The following DENND3 variants were observed in gnomAD, a reference collection of about 807,000 sequenced individuals.
DENND3 encodes DENN domain-containing protein 3.
DENND3 carries 88 observed loss-of-function variants against 135.1 expected under a neutral mutation model. The observed-to-expected ratio is 0.65, with a 90% CI of 0.55 to 0.78. The LOEUF (loss-of-function observed/expected upper bound fraction) is 0.78, where lower values mean the gene tolerates loss of function less well. Ranked by LOEUF, DENND3 falls within the 30% of genes least tolerant of loss-of-function variation. The pLI is 0.00. For synonymous variants in DENND3, 693 were observed against 712.3 expected (o/e 0.97, Z 0.43); for missense variants, 1,392 against 1,688.4 (o/e 0.82, Z 3.08).
intron 13 of DENND3, among the ~76,000 whole-genome samples, chr8:141,171,595 G>T (rs1297935310): frequency 6.6e-6 from 1 of 152,246 alleles, no homozygotes; most frequent in East Asian, 1.9e-4. Flanking sequence ...ACTGGGCATT[G>T]TGTCTACGTG....
chr8:141,137,918 C>T lies in DENND3; in HGVS notation c.386-104C>T. On this transcript the variant is annotated intron_variant, in intron 2 of 22. Transcript: ENST00000519811. The surrounding 1 kb of genome is among the most constrained non-coding windows in gnomAD (Gnocchi z 4.1). ...CTTGGACATGAAGGCACCACCACTG[C>T]TAACTGTGGAGGTGTGTCCTAAACA... The T allele has an allele frequency of 8.7e-7, 1 of 1,154,632 alleles. No homozygotes were observed. Among genetic ancestry groups the T allele is most frequent in the Admixed American group, 2.3e-5 (1 of 43,362 alleles). 71.5% of individuals were successfully genotyped at this position (1,154,632 alleles called of 1,614,324 possible).
chr8:141,168,357 G>C lies in DENND3; in HGVS notation c.2107G>C (p.Glu703Gln), dbSNP rs1341261704. The C allele has an allele frequency of 1.9e-6, 3 of 1,613,722 alleles. No homozygotes were observed. Among genetic ancestry groups the C allele is most frequent in the Non-Finnish European group, 2.5e-6 (3 of 1,180,030 alleles). Residue 703 changes from glutamate (E) to glutamine (Q), a missense_variant, in exon 13 of 23, where the codon GAG (glutamate) becomes CAG (glutamine). Glu to Gln is a conservative substitution (Grantham distance 29). Transcript: ENST00000519811. This position sits in a 1 kb window ranked among gnomAD's most constrained non-coding sequence, Gnocchi z 6.2. ...GCCGGAGCTGATGAGGCTCATCAGC[G>C]AGATCCTGGACAAGCCGCACGAGGC... ...QAPELMRLIS[E>Q]ILDKPHEASK...
rs147159737 is a variant in DENND3, at chr8:141,166,310, C to T, written c.1674C>T (p.Asp558=). 8.1e-5 allele frequency: 131 copies of T among 1,614,006 alleles called. 1 individual carries two copies. The East Asian group carries it at 2.7e-3, about 33-fold the overall frequency. Residue 558 remains aspartate (D), a synonymous_variant, in exon 12 of 23, where the codon GAC becomes GAT. Transcript: ENST00000519811. This position sits in a 1 kb window ranked among gnomAD's most constrained non-coding sequence, Gnocchi z 4.3. ...TGGTCAGCATGCCCAACCTGCAGGA[C>T]ATTGCCATGCCTGAGCTGGCACCCA... The part of the protein sequence containing the change: ...RMVVSMPNLQ[D]IAMPELAPRN...
rs1349026456 is a variant in DENND3 at position 141,139,796 on chromosome 8, G to A, written c.502-1407G>A. 6.6e-6 allele frequency among the ~76,000 whole-genome samples: 1 copy of A among 152,198 alleles called. No homozygotes were observed. The highest frequency in any genetic ancestry group is 6.5e-5 in the Admixed American group (1 of 15,276). On this transcript the variant is annotated intron_variant, in intron 3 of 22. Coordinates refer to ENST00000519811, the MANE Select transcript of DENND3 (RefSeq NM_001352890.3). The surrounding 1 kb of genome is among the most constrained non-coding windows in gnomAD (Gnocchi z 4.2). ...TGCCGGCCTGGCGTGGGCATGCCTG[G>A]TCCTGCTCCTGCCTTCCCAGCAGCT...
chr8:141,128,808 A>G lies in DENND3; in HGVS notation c.101A>G (p.Gln34Arg). ...APRDSLRSLE[Q>R]VAYKKGVKHL... ...CGGGACAGTCTCCGAAGTCTCGAGC[A>G]GGTGAGGGGCGGGGAAACTGAGGCG... Residue 34 changes from glutamine (Q) to arginine (R), a missense_variant and splice_region_variant, in exon 1 of 23, where the codon CAG (glutamine) becomes CGG (arginine). Gln to Arg is a conservative substitution (Grantham distance 43, BLOSUM62 1). Transcript: ENST00000519811. The surrounding 1 kb of genome is among the most constrained non-coding windows in gnomAD (Gnocchi z 4.5). 1 of 1,421,166 alleles carries G rather than the reference A, an allele frequency of 7.0e-7. No homozygotes were observed. The highest frequency in any genetic ancestry group is 2.6e-5 in the Admixed American group (1 of 38,740). The allele number at this position is 1,421,166 out of a possible 1,614,324, so 88.0% of individuals were successfully genotyped here.
At position 141,136,763 on chromosome 8, in the gene DENND3, C is replaced by T; in HGVS notation, c.357C>T (p.Leu119=). The change falls in exon 2 of 23, where the codon CTC becomes CTT. Residue 119 remains leucine (L), a synonymous_variant. Transcript: ENST00000519811. ...TCGCCGTCCCGGGCGGCGTGGACCT[C>T]CTCACCCTGCCGCAGCTGTGCTTCC... ...EDVAVPGGVD[L]LTLPQLCFPG... 6.3e-7 allele frequency: 1 copy of T among 1,586,566 alleles called. No homozygotes were observed. The highest frequency in any genetic ancestry group is 8.6e-7 in the Non-Finnish European group (1 of 1,167,484).
At position 141,175,210 on chromosome 8, in the gene DENND3, A is replaced by G. The variant is rs1417623503; in HGVS notation, c.2286A>G (p.Lys762=). The change falls in exon 14 of 23, where the codon AAA becomes AAG. Residue 762 remains lysine (K), a synonymous_variant. Transcript: ENST00000519811. This position sits in a 1 kb window ranked among gnomAD's most constrained non-coding sequence, Gnocchi z 5.4. ...TCTTATCAAACTAAGGACAGGAGAAACAAATCGACCCAGAAACATTCAAAG... is the reference window on the plus strand; with the variant it reads ...TCTTATCAAACTAAGGACAGGAGAAGCAAATCGACCCAGAAACATTCAAAG... ...LFEALTVGQE[K]QIDPETFKDF... is the part of the protein sequence containing the mutation. The G allele has an allele frequency of 1.2e-6, 2 of 1,613,362 alleles. No individual in the cohort carries two copies. Among genetic ancestry groups the G allele is most frequent in the East Asian group, 4.5e-5 (2 of 44,882 alleles).
Position 141,185,293 on chromosome 8 carries a change from C to A in DENND3, c.3084+15C>A, listed in dbSNP as rs756353348. ...CTGCAAAAGTGGTGAGTACACGAAG[C>A]GTCAGGAAAGAAGCCTCTGAATTCA... On this transcript the variant is annotated intron_variant, in intron 18 of 22. Coordinates refer to ENST00000519811, the MANE Select transcript of DENND3 (RefSeq NM_001352890.3). The A allele has an allele frequency of 1.9e-6, 3 of 1,613,650 alleles. No homozygotes were observed. The highest frequency in any genetic ancestry group is 2.5e-6 in the Non-Finnish European group (3 of 1,179,696).
chr8:141,160,890 A>G, intron 9 of DENND3, 103 bp downstream of exon 9: 1 of 1,428,402 alleles, frequency 7.0e-7, no homozygotes, highest in Non-Finnish European at 9.4e-7. Context: ...CATTAGTACC[A>G]TTTGCCTGGC....
chr8:141,153,450 C>T (rs1012068995), intron 7 of DENND3, among the ~76,000 whole-genome samples: 4 of 152,222 alleles, frequency 2.6e-5, no homozygotes, highest in African/African-American at 7.2e-5. Flanking sequence ...GTGTGTCATG[C>T]GCCCCTCACA....
chr8:141,188,654 G>A, intron 18 of DENND3: 1 of 241,328 alleles, frequency 4.1e-6, no homozygotes, highest in Non-Finnish European at 7.9e-6. Flanking sequence ...GCACAAGGAG[G>A]CGGTGACGTG....
rs1488835128 is a variant in DENND3, at chr8:141,182,182, G to A, written c.2944+1328G>A. The A allele has an allele frequency of 8.6e-6, 3 of 350,710 alleles. No homozygotes were observed. The highest frequency in any genetic ancestry group is 1.2e-5 in the Non-Finnish European group (3 of 249,702). The allele number at this position is 350,710 out of a possible 1,614,324, so 21.7% of individuals were successfully genotyped here. A position where few individuals can be genotyped will look rare whatever the true frequency, so the allele number is the denominator to read the frequency against. On this transcript the variant is annotated intron_variant, in intron 17 of 22. Transcript: ENST00000519811. This position sits in a 1 kb window ranked among gnomAD's most constrained non-coding sequence, Gnocchi z 5.9. Reference sequence around the variant, plus strand: ...AGGTGTCAGGGATGCAGATGTAGGTGTCACCCCCTCTCACAGGCCATGTCC... The same window carrying A: ...AGGTGTCAGGGATGCAGATGTAGGTATCACCCCCTCTCACAGGCCATGTCC...
In DENND3 at chr8:141,154,982, G is replaced by A. The variant is rs867866055; in HGVS notation, c.1075-867G>A. On this transcript the variant is annotated intron_variant, in intron 7 of 22. Transcript: ENST00000519811. The surrounding 1 kb of genome is among the most constrained non-coding windows in gnomAD (Gnocchi z 4.4). The stretch of plus-strand genomic sequence containing the variant: ...GTTCTGACACATGCCTCAGATGGGT[G>A]AGCCTCACAGACATCAACGTGGAGT... Among the ~76,000 whole-genome samples the A allele has an allele frequency of 1.1e-4, 16 of 152,230 alleles. No individual in the cohort carries two copies. Among genetic ancestry groups the A allele is most frequent in the African/African-American group, 3.6e-4 (15 of 41,466 alleles).
At chr8:141,171,085 T>A (rs1347529808) in intron 13 of DENND3, among the ~76,000 whole-genome samples, 1 of 152,230 alleles carries the variant, frequency 6.6e-6, no homozygotes, top group East Asian at 1.9e-4. Context: ...GTTGTCACTT[T>A]GGCCTTGCTT....
intron 14 of DENND3, 115 bp from the exon 15 acceptor site, chr8:141,176,476 G>A (rs952296413): frequency 1.6e-6 from 2 of 1,280,368 alleles, no homozygotes; most frequent in African/African-American, 3.0e-5. Context: ...CCAGCAGGAT[G>A]CGTGCCTGCA....
At position 141,174,181 on chromosome 8, in the gene DENND3, G is replaced by A. The variant is rs866499508; in HGVS notation, c.2276-1019G>A. Among the ~76,000 whole-genome samples the A allele has an allele frequency of 2.6e-5, 4 of 152,168 alleles. No individual in the cohort carries two copies. The highest frequency in any genetic ancestry group is 2.6e-4 in the Admixed American group (4 of 15,284). On this transcript the variant is annotated intron_variant, in intron 13 of 22. Transcript: ENST00000519811. The surrounding 1 kb of genome is among the most constrained non-coding windows in gnomAD (Gnocchi z 4.6). ...GTACGGCTGGGCTGTGGGGTGGGTAGGTGGGGCCCAATCTTGGAAGAATGT... is the reference window on the plus strand; with the variant it reads ...GTACGGCTGGGCTGTGGGGTGGGTAAGTGGGGCCCAATCTTGGAAGAATGT...
intron 5 of DENND3, among the ~76,000 whole-genome samples, chr8:141,147,657 G>T: frequency 6.6e-6 from 1 of 152,322 alleles, no homozygotes; most frequent in South Asian, 2.1e-4. Flanking sequence ...TTCTCATCCC[G>T]CAGGGCACGG....
At chr8:141,186,967 C>A (rs568752281) in intron 18 of DENND3, among the ~76,000 whole-genome samples, 1 of 152,198 alleles carries the variant, frequency 6.6e-6, no homozygotes, top group Non-Finnish European at 1.5e-5. Context: ...CACACTCCCC[C>A]GCACCGTGGC....
At position 141,174,868 on chromosome 8, in the gene DENND3, A is replaced by G. The variant is rs952780099; in HGVS notation, c.2276-332A>G. ...GGAAGGTCTTTGCCCCCATTAGAAG[A>G]GTGTCCTTGTCCGGAAGGACTTTCC... On this transcript the variant is annotated intron_variant, in intron 13 of 22. Transcript: ENST00000519811. The surrounding 1 kb of genome is among the most constrained non-coding windows in gnomAD (Gnocchi z 4.6). Among the ~76,000 whole-genome samples, 50 of 152,128 alleles carry G rather than the reference A, an allele frequency of 3.3e-4. No homozygotes were observed. Among genetic ancestry groups the G allele is most frequent in the African/African-American group, 9.7e-4 (40 of 41,392 alleles).
Sources: gnomAD v4.1 joint callset for allele counts (sites outside exome capture counted in the v4.1 genomes callset) on GRCh38, gnomAD v4.1.1 for gene constraint, Gnocchi (gnomAD v3.1) non-coding constraint, MANE v1.5 for transcripts, NCBI Gene and HGNC (gene_info 2026-07-23, HGNC 2026-07-21) for gene names.